Variants in NCOR1 observed in about 807,000 individuals in gnomAD.
NCOR1 encodes the protein nuclear receptor corepressor 1, also known as protein phosphatase 1, regulatory subunit 109.
Under a neutral mutation model 288.1 loss-of-function variants are expected in NCOR1, and 63 were observed. The observed-to-expected ratio is 0.22, with a 90% CI of 0.18 to 0.27. The LOEUF (loss-of-function observed/expected upper bound fraction) is 0.27. Ranked by LOEUF, NCOR1 falls within the 10% of genes least tolerant of loss-of-function variation. The pLI is 1.00. For synonymous variants in NCOR1, 1,007 were observed against 1,065.9 expected (o/e 0.94, Z 1.08); for missense variants, 2,397 against 3,019.2 (o/e 0.79, Z 4.83).
chr17:16,094,824 T>C (rs1257849925), intron 21 of NCOR1, among the ~76,000 whole-genome samples: 1 of 151,958 alleles, frequency 6.6e-6, no homozygotes, highest in Admixed American at 6.6e-5. Flanking sequence ...GCCTCGGCAT[T>C]CTGAGGTGCC....
At chr17:16,124,065 A>T (rs1480655153) in intron 15 of NCOR1, among the ~76,000 whole-genome samples, 1 of 152,202 alleles carries the variant, frequency 6.6e-6, no homozygotes, top group African/African-American at 2.4e-5. Context: ...TTTAACCCAA[A>T]CTAAAAGAAA....
intron 14 of NCOR1, among the ~76,000 whole-genome samples, chr17:16,135,937 A>G (rs1040688383): frequency 1.3e-5 from 2 of 152,190 alleles, no homozygotes; most frequent in Admixed American, 6.5e-5. Flanking sequence ...ATGCTAATGA[A>G]TCGTTGCAGT....
At chr17:16,063,555 C>T (rs1205296924) in intron 35 of NCOR1, among the ~76,000 whole-genome samples, 1 of 152,148 alleles carries the variant, frequency 6.6e-6, no homozygotes, top group Non-Finnish European at 1.5e-5. Flanking sequence ...AAATTTTTAT[C>T]TCCACAGAGG....
chr17:16,040,079 C>T lies in NCOR1; in HGVS notation c.6733+362G>A, dbSNP rs371517811. The stretch of plus-strand genomic sequence containing the variant: ...TGCTGGGATTACAGGCGTGAGCCAC[C>T]GCACCCAGCCCAGAGACCATCTTAA... On this transcript the variant is annotated intron_variant, in intron 43 of 45. Coordinates refer to ENST00000268712, the MANE Select transcript of NCOR1 (RefSeq NM_006311.4). 231 of 457,538 alleles carry T rather than the reference C, an allele frequency of 5.0e-4. 1 individual carries two copies. The highest frequency in any genetic ancestry group is 4.8e-3 in the Middle Eastern group (7 of 1,472). 28.3% of individuals were successfully genotyped at this position (457,538 alleles called of 1,614,324 possible).
intron 14 of NCOR1, among the ~76,000 whole-genome samples, chr17:16,130,706 C>T (rs1193817364): frequency 1.3e-5 from 2 of 152,226 alleles, no homozygotes; most frequent in Admixed American, 6.5e-5. Flanking sequence ...CATTGTGAGA[C>T]AGGGTCTTAC....
At chr17:16,189,074 AT>A (rs944603977) in intron 2 of NCOR1, among the ~76,000 whole-genome samples, 1 of 152,024 alleles carries the variant, frequency 6.6e-6, no homozygotes, top group Non-Finnish European at 1.5e-5. Context: ...TTTGTTAAAA[AT>A]AAAAATAAAA....
chr17:16,089,093 T>TA (rs1236537207), intron 22 of NCOR1, among the ~76,000 whole-genome samples: 29 of 145,732 alleles, frequency 2.0e-4, no homozygotes, highest in Admixed American at 2.7e-4. Flanking sequence ...TAACTATGTT[T>TA]AAAAAAAAAA....
chr17:16,095,084 G>A (rs1291108079), intron 21 of NCOR1, among the ~76,000 whole-genome samples: 7 of 150,136 alleles, frequency 4.7e-5, no homozygotes, highest in Admixed American at 2.0e-4. Flanking sequence ...AGTGAGGAGC[G>A]TCTCTGCCCG....
intron 14 of NCOR1, among the ~76,000 whole-genome samples, chr17:16,129,528 A>C (rs1026969653): frequency 6.6e-6 from 1 of 152,210 alleles, no homozygotes; most frequent in Admixed American, 6.5e-5. Context: ...AGATTTTAAA[A>C]TTTAAACTTT....
In NCOR1 at chr17:16,070,446, C is replaced by G; in HGVS notation, c.4232G>C (p.Ser1411Thr). ...HNVKSLITGP[S>T]KLSRGMPPLE... is the part of the protein sequence containing the mutation. ...CGGAGGCATTCCACGGGATAGTTTGCTAGGCCCCGTGATTAAGGATTTGAC... is the reference window on the plus strand; with the variant it reads ...CGGAGGCATTCCACGGGATAGTTTGGTAGGCCCCGTGATTAAGGATTTGAC... Residue 1411 changes from serine (S) to threonine (T), a missense_variant, in exon 31 of 46, where the codon AGC becomes ACC. Physicochemically the swap from Ser to Thr is moderately conservative, Grantham distance 58. Coordinates refer to ENST00000268712, the MANE Select transcript of NCOR1 (RefSeq NM_006311.4). 6.2e-7 allele frequency: 1 copy of G among 1,614,198 alleles called. No individual in the cohort carries two copies. The highest frequency in any genetic ancestry group is 8.5e-7 in the Non-Finnish European group (1 of 1,180,034).
chr17:16,084,941 G>C (rs2152851234), intron 23 of NCOR1, among the ~76,000 whole-genome samples: 1 of 152,224 alleles, frequency 6.6e-6, no homozygotes, highest in African/African-American at 2.4e-5. Flanking sequence ...GGAGAAAAAA[G>C]TGTGTATATA....
At chr17:16,111,233 A>G (rs2070083794) in intron 18 of NCOR1, among the ~76,000 whole-genome samples, 1 of 152,220 alleles carries the variant, frequency 6.6e-6, no homozygotes, top group African/African-American at 2.4e-5. Context: ...TACGTTGCCA[A>G]GCATTTTCTT....
At chr17:16,172,125 C>T in intron 3 of NCOR1, 130 bp from the exon 4 acceptor site, 1 of 643,324 alleles carries the variant, frequency 1.6e-6, no homozygotes, top group Non-Finnish European at 2.5e-6. Context: ...AATCCGTACC[C>T]CTTCTGTTCC....
chr17:16,142,355 C>G (rs1300472272), intron 11 of NCOR1, among the ~76,000 whole-genome samples: 2 of 151,956 alleles, frequency 1.3e-5, no homozygotes, highest in African/African-American at 4.8e-5. Context: ...AAGTATACAG[C>G]ATGGTAAAAA....
At chr17:16,165,382 C>A (rs981060030) in intron 4 of NCOR1, among the ~76,000 whole-genome samples, 2 of 152,106 alleles carry the variant, frequency 1.3e-5, no homozygotes, top group African/African-American at 4.8e-5. Context: ...AAAAGCTATA[C>A]AAAGTGAGGT....
At chr17:16,062,307 A>T in intron 35 of NCOR1, 37 bp from the exon 36 acceptor site, 1 of 1,550,402 alleles carries the variant, frequency 6.4e-7, no homozygotes, top group Non-Finnish European at 8.6e-7. Context: ...CAAAGACATA[A>T]GGAGGAAGCC....
intron 27 of NCOR1, among the ~76,000 whole-genome samples, chr17:16,073,794 T>A (rs973465743): frequency 6.6e-6 from 1 of 152,244 alleles, no homozygotes; most frequent in Admixed American, 6.5e-5. Context: ...CAGGTAAGAT[T>A]AACAAATTAA....
chr17:16,210,200 A>G (rs547493545), intron 1 of NCOR1, among the ~76,000 whole-genome samples: 4 of 152,088 alleles, frequency 2.6e-5, no homozygotes, highest in Non-Finnish European at 5.9e-5. Flanking sequence ...CCTGACCAAT[A>G]TGGAGAAACC....
rs1385782006 is a variant in NCOR1 at position 16,068,139 on chromosome 17, A to G, written c.4514-18T>C. 1 of 1,561,380 alleles carries G rather than the reference A, an allele frequency of 6.4e-7. No individual in the cohort carries two copies. Among genetic ancestry groups the G allele is most frequent in the Non-Finnish European group, 8.8e-7 (1 of 1,141,962 alleles). On this transcript the variant is annotated intron_variant, in intron 31 of 45. Transcript: ENST00000268712. Reference sequence around the variant, plus strand: ...AATTGTAACTGGAAAAAAAGAGCCAATGCCACAAGTTCTTAAGAAACTTGC... The same window carrying G: ...AATTGTAACTGGAAAAAAAGAGCCAGTGCCACAAGTTCTTAAGAAACTTGC...
Sources: allele counts gnomAD v4.1 joint callset (sites outside exome capture counted in the v4.1 genomes callset), GRCh38; gene constraint gnomAD v4.1.1; transcripts MANE v1.5; gene names NCBI Gene and HGNC (gene_info 2026-07-23, HGNC 2026-07-21).